Variants in SVIL observed in about 807,000 individuals in gnomAD.
SVIL encodes the protein supervillin.
Under a neutral mutation model 240.4 loss-of-function variants are expected in SVIL, and 101 were observed. That is an observed-to-expected ratio of 0.42 (90% confidence interval 0.36 to 0.50). The LOEUF is 0.50. Among genes scored for constraint, SVIL ranks in the 20% least tolerant of loss-of-function variants. SVIL has a pLI of 0.01. For synonymous variants in SVIL, 999 were observed against 1,100.0 expected (o/e 0.91, Z 1.82); for missense variants, 2,512 against 2,818.7 (o/e 0.89, Z 2.46).
chr10:29,547,141 CT>C lies in SVIL; in HGVS notation c.827+3455del, dbSNP rs1334411595. ...TCCCTAAATAGGAATCAGAAAATGA[CT>C]TTCTGAAAGTTGAATTTCCTGGTTC... On this transcript the variant is annotated intron_variant, in intron 6 of 37. Coordinates refer to ENST00000355867, the MANE Select transcript of SVIL (RefSeq NM_021738.3). 3.3e-5 allele frequency among the ~76,000 whole-genome samples: 5 copies of C among 152,070 alleles called. No individual in the cohort carries two copies. In the East Asian group the frequency reaches 9.6e-4, roughly 29 times the overall value.
chr10:29,560,709 CAT>C (rs1460350306), intron 3 of SVIL, among the ~76,000 whole-genome samples: 20 of 152,040 alleles, frequency 1.3e-4, no homozygotes, highest in African/African-American at 4.8e-4. Flanking sequence ...ATCATTGATA[CAT>C]GTGTTAAATC....
chr10:29,636,669 C>G (rs1289860415), upstream of SVIL, among the ~76,000 whole-genome samples: 1 of 152,174 alleles, frequency 6.6e-6, no homozygotes, highest in Non-Finnish European at 1.5e-5. Context: ...ACTCATCATA[C>G]TCACTTCTTT....
At chr10:29,630,891 A>G in intron 1 of SVIL, among the ~76,000 whole-genome samples, 1 of 152,130 alleles carries the variant, frequency 6.6e-6, no homozygotes, top group Non-Finnish European at 1.5e-5. Context: ...CGTTCAAACA[A>G]CTCACATTTC....
intron 1 of SVIL, among the ~76,000 whole-genome samples, chr10:29,695,420 T>G (rs982291583): frequency 1.3e-5 from 2 of 152,096 alleles, no homozygotes; most frequent in African/African-American, 4.8e-5. Context: ...CAAAAACCAT[T>G]TGTATCCCTA....
At chr10:29,520,787 G>C (rs10400103) in intron 16 of SVIL, among the ~76,000 whole-genome samples, 2 of 151,258 alleles carry the variant, frequency 1.3e-5, no homozygotes, top group African/African-American at 4.9e-5. Context: ...ATGGTGGTAC[G>C]TGTCTGCAGT....
At chr10:29,634,071 C>CGTT (rs2132959387) in intron 1 of SVIL, among the ~76,000 whole-genome samples, 1 of 152,064 alleles carries the variant, frequency 6.6e-6, no homozygotes, top group Non-Finnish European at 1.5e-5. Flanking sequence ...TATTAAAGTA[C>CGTT]GTTGCATTGT....
chr10:29,698,143 G>A (rs1272203133), intron 1 of SVIL: 8 of 748,010 alleles, frequency 1.1e-5, no homozygotes, highest in African/African-American at 4.4e-5. Context: ...TTGCTGTTCC[G>A]GCGCCCACTA....
chr10:29,665,655 A>T (rs148562097), intron 2 of SVIL, among the ~76,000 whole-genome samples: 1,548 of 152,106 alleles, frequency 0.01, 17 homozygotes, highest in Middle Eastern at 0.065. Flanking sequence ...TTAGCCAGGC[A>T]TGGTGGCGGA....
At chr10:29,695,806 C>T (rs575182655) in intron 1 of SVIL, among the ~76,000 whole-genome samples, 222 of 140,358 alleles carry the variant, frequency 1.6e-3, no homozygotes, top group South Asian at 0.013. Context: ...CTCCCTCTCC[C>T]GTCTCCCTCT....
intron 33 of SVIL, among the ~76,000 whole-genome samples, chr10:29,466,140 TA>T (rs958331570): frequency 6.6e-6 from 1 of 151,960 alleles, no homozygotes; most frequent in African/African-American, 2.4e-5. Context: ...TTAAAATGGC[TA>T]AAAAATATAT....
intron 7 of SVIL, among the ~76,000 whole-genome samples, chr10:29,534,724 C>G (rs1215543953): frequency 6.6e-6 from 1 of 152,216 alleles, no homozygotes; most frequent in Non-Finnish European, 1.5e-5. Context: ...GGCAACTCAC[C>G]TGCCCTTAGT....
intron 1 of SVIL, among the ~76,000 whole-genome samples, chr10:29,570,461 A>AGT (rs1181221185): frequency 1.3e-5 from 2 of 152,226 alleles, no homozygotes; most frequent in Middle Eastern, 3.2e-3. Flanking sequence ...TTGTTCAATC[A>AGT]GTGAACTGAA....
chr10:29,470,294 G>T lies in SVIL; in HGVS notation c.5825C>A (p.Ala1942Glu). Residue 1942 changes from alanine (A) to glutamate (E), a missense_variant, in exon 32 of 38, where the codon GCG becomes GAG. Transcript: ENST00000355867. ...CACTCACTGTTCCTTGATCTTGTTC[G>T]CAGCGGTCCTTCCGACCTCCTTCGT... ...AHTKEVGRTA[A>E]NKIKEQCPLE... The T allele has an allele frequency of 1.9e-6, 3 of 1,614,208 alleles. No individual in the cohort carries two copies. Among genetic ancestry groups the T allele is most frequent in the Middle Eastern group, 1.6e-4 (1 of 6,062 alleles).
In SVIL at chr10:29,667,917, T is replaced by C. The variant is rs79092290; in HGVS notation, c.-300-9849A>G. Among the ~76,000 whole-genome samples the C allele has an allele frequency of 2.8e-4, 42 of 151,880 alleles. No homozygotes were observed. The East Asian group carries it at 7.7e-3, about 28-fold the overall frequency. ...GCAACGTTATTATATATGAGTTATA[T>C]ACCAATAAATCTGACTTTCTAAAAG... On this transcript the variant is annotated intron_variant, in intron 2 of 35. Transcript: ENST00000375400.
chr10:29,622,592 C>T (rs1752795), intron 1 of SVIL, among the ~76,000 whole-genome samples: 13,848 of 152,182 alleles, frequency 0.091, 780 homozygotes, highest in Admixed American at 0.14. Context: ...TAATCATGCA[C>T]ATCACAGCCC....
rs1383897433 is a variant in SVIL at position 29,526,877 on chromosome 10, C to T, written c.2342+84G>A. On this transcript the variant is annotated intron_variant, in intron 13 of 37. Coordinates refer to ENST00000355867, the MANE Select transcript of SVIL (RefSeq NM_021738.3). Reference sequence around the variant, plus strand: ...GGCATTGACTTGTTTGTCAAACAAACGACAGACATTCAAGACTTTAGGATG... The same window carrying T: ...GGCATTGACTTGTTTGTCAAACAAATGACAGACATTCAAGACTTTAGGATG... 8 of 1,145,472 alleles carry T rather than the reference C, an allele frequency of 7.0e-6. No homozygotes were observed. In the Admixed American group the frequency reaches 1.7e-4, roughly 25 times the overall value. 71.0% of individuals were successfully genotyped at this position (1,145,472 alleles called of 1,614,324 possible).
chr10:29,680,140 G>A (rs1170044564), intron 2 of SVIL, among the ~76,000 whole-genome samples: 1 of 152,168 alleles, frequency 6.6e-6, no homozygotes, highest in Non-Finnish European at 1.5e-5. Context: ...AGCCGTGACT[G>A]TGCTACTGCA....
intron 6 of SVIL, among the ~76,000 whole-genome samples, chr10:29,543,625 C>T (rs1952365926): frequency 1.3e-5 from 2 of 152,182 alleles, no homozygotes; most frequent in East Asian, 1.9e-4. Context: ...GCTCTCTTGC[C>T]TACATGATCC....
chr10:29,570,466 A>C (rs895641166), intron 1 of SVIL, among the ~76,000 whole-genome samples: 8 of 152,218 alleles, frequency 5.3e-5, no homozygotes, highest in African/African-American at 1.7e-4. Context: ...CAATCAGTGA[A>C]CTGAACATGC....
Sources: gnomAD v4.1 joint callset for allele counts (sites outside exome capture counted in the v4.1 genomes callset) on GRCh38, gnomAD v4.1.1 for gene constraint, MANE v1.5 for transcripts, NCBI Gene and HGNC (gene_info 2026-07-23, HGNC 2026-07-21) for gene names.